The following NHEJ1 variants were observed in gnomAD, a reference collection of about 807,000 sequenced individuals.
NHEJ1 encodes the protein non-homologous end joining factor 1.
NHEJ1 carries 22 observed loss-of-function variants against 39.4 expected under a neutral mutation model. That is an observed-to-expected ratio of 0.56 (90% CI 0.40 to 0.80). The LOEUF (loss-of-function observed/expected upper bound fraction) is 0.80. Ranked by LOEUF, NHEJ1 falls within the 30% of genes least tolerant of loss-of-function variation. The pLI is 0.00. For synonymous variants in NHEJ1, 154 were observed against 135.6 expected (o/e 1.14, Z -0.94); for missense variants, 329 against 357.1 (o/e 0.92, Z 0.63).
chr2:219,105,659 G>T (rs1949306816), intron 5 of NHEJ1, among the ~76,000 whole-genome samples: 1 of 152,128 alleles, frequency 6.6e-6, no homozygotes, highest in East Asian at 1.9e-4. Flanking sequence ...TGTTCATTCT[G>T]TCTAATACAC....
intron 5 of NHEJ1, among the ~76,000 whole-genome samples, chr2:219,080,670 T>A (rs1397451021): frequency 3.0e-5 from 4 of 133,892 alleles, no homozygotes; most frequent in Non-Finnish European, 6.4e-5. Context: ...TATAAGCTTT[T>A]ATATATGCTA....
intron 5 of NHEJ1, among the ~76,000 whole-genome samples, chr2:219,090,540 G>C (rs1949151310): frequency 6.6e-6 from 1 of 152,166 alleles, no homozygotes; most frequent in Non-Finnish European, 1.5e-5. Flanking sequence ...CCCTCAAGGA[G>C]CTCATAGTCT....
chr2:219,108,512 G>T (rs1199879713), intron 5 of NHEJ1, among the ~76,000 whole-genome samples: 1 of 151,796 alleles, frequency 6.6e-6, no homozygotes, highest in Non-Finnish European at 1.5e-5. Flanking sequence ...ATTTATTTGT[G>T]TTACTACTCT....
At chr2:219,086,519 A>G (rs1055948383) in intron 5 of NHEJ1, among the ~76,000 whole-genome samples, 1 of 152,254 alleles carries the variant, frequency 6.6e-6, no homozygotes, top group African/African-American at 2.4e-5. Flanking sequence ...AGAGGCTGAA[A>G]GAGGGAAAAG....
At chr2:219,115,767 C>T (rs1350834560) in intron 5 of NHEJ1, among the ~76,000 whole-genome samples, 5 of 152,170 alleles carry the variant, frequency 3.3e-5, no homozygotes, top group African/African-American at 1.2e-4. Context: ...TTACCCAGCT[C>T]CCTACTCGTT....
Position 219,159,587 on chromosome 2 carries a change from GCA to G in NHEJ1, c.-1+1131_-1+1132del, listed in dbSNP as rs1949906300. On this transcript the variant is annotated intron_variant, in intron 1 of 7. Coordinates refer to ENST00000356853, the MANE Select transcript of NHEJ1 (RefSeq NM_024782.3). Reference sequence around the variant, plus strand: ...TGCATATATATATGCATATATATATGCATATATATATATGCATATATATACAT... The same window carrying G: ...TGCATATATATATGCATATATATATGTATATATATATGCATATATATACAT... Among the ~76,000 whole-genome samples the G allele has an allele frequency of 2.2e-5, 2 of 91,462 alleles. 1 individual carries two copies. Among genetic ancestry groups the G allele is most frequent in the Admixed American group, 2.2e-4 (2 of 9,038 alleles). The allele number at this position is 91,462 out of a possible 152,430, so 60.0% of individuals were successfully genotyped here.
chr2:219,100,410 T>G (rs1949245550), intron 5 of NHEJ1, among the ~76,000 whole-genome samples: 1 of 150,190 alleles, frequency 6.7e-6, no homozygotes, highest in Non-Finnish European at 1.5e-5. Flanking sequence ...CGAGACCAGC[T>G]TAGCCAACAT....
At chr2:219,103,497 A>G (rs1318664025) in intron 5 of NHEJ1, among the ~76,000 whole-genome samples, 5 of 152,124 alleles carry the variant, frequency 3.3e-5, no homozygotes, top group Non-Finnish European at 7.4e-5. Flanking sequence ...GATGGTCTCC[A>G]TCTCCTGACC....
chr2:219,082,593 T>C (rs1369983359), intron 5 of NHEJ1, among the ~76,000 whole-genome samples: 1 of 152,178 alleles, frequency 6.6e-6, no homozygotes, highest in African/African-American at 2.4e-5. Context: ...GCTCACCCTA[T>C]AAATATGGAC....
Position 219,113,506 on chromosome 2 carries a change from CATT to C in NHEJ1, c.588+33171_588+33173del, listed in dbSNP as rs1949384249. Among the ~76,000 whole-genome samples the C allele has an allele frequency of 2.0e-5, 3 of 152,234 alleles. No homozygotes were observed. In the South Asian group the frequency reaches 6.2e-4, roughly 32 times the overall value. The stretch of plus-strand genomic sequence containing the variant: ...TCAAGAACTTATCTTAAAATGTAAT[CATT>C]ATTTATCTCTATAACCTGCTTTCTC... On this transcript the variant is annotated intron_variant, in intron 5 of 7. Transcript: ENST00000356853.
At position 219,080,332 on chromosome 2, in the gene NHEJ1, C is replaced by T. The variant is rs181429357; in HGVS notation, c.589-2126G>A. The stretch of plus-strand genomic sequence containing the variant: ...CGGGCGGATCACAACGTCAGGAGAA[C>T]GAGACCACGGTGAAACCGCATCTCT... On this transcript the variant is annotated intron_variant, in intron 5 of 7. Transcript: ENST00000356853. Among the ~76,000 whole-genome samples, 8 of 151,726 alleles carry T rather than the reference C, an allele frequency of 5.3e-5. No homozygotes were observed. The East Asian group carries it at 1.4e-3, about 26-fold the overall frequency.
At chr2:219,076,815 C>T (rs933521690) in intron 7 of NHEJ1, among the ~76,000 whole-genome samples, 1 of 152,178 alleles carries the variant, frequency 6.6e-6, no homozygotes, top group Non-Finnish European at 1.5e-5. Flanking sequence ...GTTGTGATAA[C>T]AAGCATGAGC....
At chr2:219,084,200 C>T (rs563056963) in intron 5 of NHEJ1, among the ~76,000 whole-genome samples, 12 of 151,986 alleles carry the variant, frequency 7.9e-5, no homozygotes, top group Admixed American at 1.3e-4. Context: ...AGAGATGGGG[C>T]TGCACCATGT....
intron 3 of NHEJ1, among the ~76,000 whole-genome samples, chr2:219,154,244 C>G (rs73991400): frequency 6.6e-6 from 1 of 151,876 alleles, no homozygotes; most frequent in Non-Finnish European, 1.5e-5. Context: ...ACAGTGCGTA[C>G]AGCATGATAC....
rs537929679 is a variant in NHEJ1 at position 219,095,735 on chromosome 2, G to A, written c.589-17529C>T. On this transcript the variant is annotated intron_variant, in intron 5 of 7. Transcript: ENST00000356853. ...ATAAATGCAATCAGAGAGCTAAGGG[G>A]CAGGTTTCAAAGTACACAGGAAATT... Among the ~76,000 whole-genome samples the A allele has an allele frequency of 2.0e-5, 3 of 152,254 alleles. No individual in the cohort carries two copies. The South Asian group carries it at 6.2e-4, about 32-fold the overall frequency.
intron 5 of NHEJ1, among the ~76,000 whole-genome samples, chr2:219,105,897 ATTCTTCCATGGGG>A (rs1474959051): frequency 1.3e-5 from 2 of 152,182 alleles, no homozygotes; most frequent in Admixed American, 1.3e-4. Context: ...TACATGTCCA[ATTCTTCCATGGGG>A]TTATAAGCTC....
chr2:219,097,809 C>A (rs1949223045), intron 5 of NHEJ1, among the ~76,000 whole-genome samples: 1 of 152,056 alleles, frequency 6.6e-6, no homozygotes, highest in South Asian at 2.1e-4. Flanking sequence ...AAGAACTGGG[C>A]TGAAGATACA....
intron 5 of NHEJ1, among the ~76,000 whole-genome samples, chr2:219,145,403 A>G (rs1415388408): frequency 4.6e-5 from 7 of 152,210 alleles, no homozygotes; most frequent in Non-Finnish European, 1.5e-5. Context: ...CAGTCAATGC[A>G]CAGAGGCAGA....
At chr2:219,152,072 G>A (rs1046568022) in intron 3 of NHEJ1, among the ~76,000 whole-genome samples, 3 of 152,074 alleles carry the variant, frequency 2.0e-5, no homozygotes, top group South Asian at 2.1e-4. Flanking sequence ...GACACTCCCC[G>A]TAATTTATAG....
Sources: gnomAD v4.1 joint callset for allele counts (sites outside exome capture counted in the v4.1 genomes callset) on GRCh38, gnomAD v4.1.1 for gene constraint, MANE v1.5 for transcripts, NCBI Gene and HGNC (gene_info 2026-07-23, HGNC 2026-07-21) for gene names.